The following FBXW7 variants were observed in gnomAD, a reference collection of about 807,000 sequenced individuals.
The protein encoded by FBXW7 is F-box and WD repeat domain containing 7.
A neutral mutation model predicts 86.3 loss-of-function variants in FBXW7; 11 were observed. The observed-to-expected ratio is 0.13, with a 90% CI of 0.08 to 0.21. FBXW7 has a LOEUF of 0.21. Ranked by LOEUF, FBXW7 falls within the 10% of genes least tolerant of loss-of-function variation. The probability of loss-of-function intolerance (pLI) is 1.00; values close to 1 mark genes in which losing one functional copy is unlikely to be tolerated. For synonymous variants in FBXW7, 313 were observed against 297.9 expected, an observed-to-expected ratio of 1.05 and a Z score of -0.52; for missense variants, 488 against 847.4, an observed-to-expected ratio of 0.58 and a Z score of 5.27.
chr4:152,483,947 T>C (rs1399561217), intron 2 of FBXW7, among the ~76,000 whole-genome samples: 1 of 152,156 alleles, frequency 6.6e-6, no homozygotes, highest in Non-Finnish European at 1.5e-5. Context: ...CTCTACAACA[T>C]ATATTTGACA....
chr4:152,382,196 C>T (rs748760266), intron 4 of FBXW7: 10 of 1,548,362 alleles, frequency 6.5e-6, no homozygotes, highest in East Asian at 2.4e-5. Flanking sequence ...TACCCGTCTT[C>T]GACAAAAAGG....
chr4:152,425,923 G>C (rs1739342202), intron 2 of FBXW7, among the ~76,000 whole-genome samples: 1 of 152,108 alleles, frequency 6.6e-6, no homozygotes, highest in African/African-American at 2.4e-5. Flanking sequence ...ACACAAAAAT[G>C]GACAGTCAGG....
intron 2 of FBXW7, among the ~76,000 whole-genome samples, chr4:152,521,318 T>C (rs1748990077): frequency 6.6e-6 from 1 of 151,910 alleles, no homozygotes; most frequent in Admixed American, 6.6e-5. Flanking sequence ...TTAAGTAGGG[T>C]CTGAAGAGAC....
intron 2 of FBXW7, among the ~76,000 whole-genome samples, chr4:152,439,477 C>A (rs1740683992): frequency 6.6e-6 from 1 of 152,102 alleles, no homozygotes; most frequent in Non-Finnish European, 1.5e-5. Context: ...GAACAAGCCA[C>A]TCAGAAACCG....
intron 6 of FBXW7, among the ~76,000 whole-genome samples, chr4:152,339,814 C>T (rs957141037): frequency 4.6e-4 from 70 of 151,156 alleles, no homozygotes; most frequent in African/African-American, 1.5e-3. Flanking sequence ...TGGTGGAATG[C>T]GCCTGTAGTC....
At chr4:152,481,599 A>G (rs1457746587) in intron 2 of FBXW7, among the ~76,000 whole-genome samples, 4 of 152,206 alleles carry the variant, frequency 2.6e-5, no homozygotes, top group African/African-American at 9.7e-5. Flanking sequence ...AGGATTCATC[A>G]ATCTGGACGC....
chr4:152,341,838 T>G (rs1472757386), intron 6 of FBXW7, among the ~76,000 whole-genome samples: 1 of 152,186 alleles, frequency 6.6e-6, no homozygotes, highest in Non-Finnish European at 1.5e-5. Context: ...CATGCATGTG[T>G]ACATGAAATA....
chr4:152,354,761 C>T (rs1264336729), intron 4 of FBXW7, among the ~76,000 whole-genome samples: 2 of 152,046 alleles, frequency 1.3e-5, no homozygotes, highest in Non-Finnish European at 2.9e-5. Flanking sequence ...CTGTTCCCTA[C>T]AAATATTGTT....
intron 2 of FBXW7, among the ~76,000 whole-genome samples, chr4:152,487,928 T>C (rs1362129125): frequency 2.6e-5 from 4 of 152,194 alleles, no homozygotes; most frequent in Non-Finnish European, 5.9e-5. Flanking sequence ...TAATCTTTAA[T>C]GTAAATTAAC....
intron 2 of FBXW7, among the ~76,000 whole-genome samples, chr4:152,477,374 TTG>T (rs1336292576): frequency 1.3e-5 from 2 of 152,184 alleles, no homozygotes; most frequent in Non-Finnish European, 2.9e-5. Flanking sequence ...ACTTCTATTT[TTG>T]TGTGTTTCCT....
At chr4:152,332,520 A>G (rs929947226) in intron 8 of FBXW7, 76 bp downstream of exon 8, 10 of 1,349,196 alleles carry the variant, frequency 7.4e-6, no homozygotes, top group African/African-American at 1.5e-5. Context: ...TATTATTTTT[A>G]TTTTTTCTAC....
At chr4:152,382,005 C>A (rs1735119755) in intron 4 of FBXW7, among the ~76,000 whole-genome samples, 1 of 151,950 alleles carries the variant, frequency 6.6e-6, no homozygotes, top group Non-Finnish European at 1.5e-5. Context: ...ACTGGGTAAC[C>A]CTATCTTCTA....
At chr4:152,356,822 C>A (rs558826291) in intron 4 of FBXW7, among the ~76,000 whole-genome samples, 4 of 152,252 alleles carry the variant, frequency 2.6e-5, no homozygotes, top group African/African-American at 9.6e-5. Flanking sequence ...TTCACTAACA[C>A]AAATAGGTGG....
intron 4 of FBXW7, among the ~76,000 whole-genome samples, chr4:152,388,384 C>T (rs1029208236): frequency 6.6e-6 from 1 of 152,046 alleles, no homozygotes; most frequent in Non-Finnish European, 1.5e-5. Context: ...AAAATAAAAG[C>T]ATTGCATGTA....
intron 2 of FBXW7, among the ~76,000 whole-genome samples, chr4:152,453,118 A>C (rs375780754): frequency 6.6e-6 from 1 of 152,220 alleles, no homozygotes; most frequent in African/African-American, 2.4e-5. Context: ...TGGGAGGCGG[A>C]GGTTGCAGTG....
intron 2 of FBXW7, among the ~76,000 whole-genome samples, chr4:152,469,163 T>G (rs1186773935): frequency 6.6e-6 from 1 of 152,028 alleles, no homozygotes; most frequent in Admixed American, 6.5e-5. Context: ...TGCTATTGAC[T>G]ATATTAAAAA....
intron 2 of FBXW7, among the ~76,000 whole-genome samples, chr4:152,462,708 T>C (rs531443943): frequency 3.9e-5 from 6 of 152,236 alleles, no homozygotes; most frequent in Non-Finnish European, 8.8e-5. Context: ...AAAGTTTTTC[T>C]TTCAATATTT....
chr4:152,520,202 G>A (rs1460748873), intron 2 of FBXW7, among the ~76,000 whole-genome samples: 1 of 152,016 alleles, frequency 6.6e-6, no homozygotes, highest in Non-Finnish European at 1.5e-5. Context: ...GGGAGGCCGA[G>A]GCGGGTGGAT....
At chr4:152,328,604 GTAGT>G in intron 10 of FBXW7, 1 of 373,490 alleles carries the variant, frequency 2.7e-6, no homozygotes. Flanking sequence ...AATTGTGTAT[GTAGT>G]ATGTAGAAAG....
Sources: gnomAD v4.1 joint callset for allele counts (sites outside exome capture counted in the v4.1 genomes callset) on GRCh38, gnomAD v4.1.1 for gene constraint, MANE v1.5 for transcripts, NCBI Gene and HGNC (gene_info 2026-07-23, HGNC 2026-07-21) for gene names.